DMGDH: variants seen among roughly 807,000 people sequenced by gnomAD.
DMGDH encodes dimethylglycine dehydrogenase, mitochondrial.
In DMGDH, 76 loss-of-function variants were observed where a neutral mutation model predicts 95.2. That is an observed-to-expected ratio of 0.80 (90% CI 0.66 to 0.97). The LOEUF is 0.97. Ranked by LOEUF, DMGDH falls within the 50% of genes least tolerant of loss-of-function variation. The pLI is 0.00. For missense variants in DMGDH, 987 were observed against 1,055.0 expected (o/e 0.94, Z 0.89); for synonymous variants, 345 against 377.6 (o/e 0.91, Z 1.00).
chr5:78,997,761 A>G lies in DMGDH; in HGVS notation c.*321T>C, dbSNP rs1753385415. ...GAATGCATTTGTTACTAAAATTATA[A>G]AATGTCCCTTAATTAGGTTATAGTA... is the stretch of plus-strand genomic sequence containing the variant. On this transcript the variant is annotated 3_prime_UTR_variant, in exon 16 of 16. Coordinates refer to ENST00000255189, the MANE Select transcript of DMGDH (RefSeq NM_013391.3). 3.8e-6 allele frequency: 1 copy of G among 265,162 alleles called. No homozygotes were observed. 16.4% of individuals were successfully genotyped at this position (265,162 alleles called of 1,614,324 possible).
chr5:79,024,639 CAT>C lies in DMGDH; in HGVS notation c.2191-311_2191-310del, dbSNP rs141290603. Among the ~76,000 whole-genome samples, 1,293 of 152,328 alleles carry C rather than the reference CAT, an allele frequency of 8.5e-3. 15 individuals carry two copies. Among genetic ancestry groups the C allele is most frequent in the African/African-American group, 0.029 (1,201 of 41,582 alleles). ...GTTTCTTCTAGAAACAAGATTTTCA[CAT>C]GTTTTTCTGCAATAATTTTACATAA... On this transcript the variant is annotated intron_variant, in intron 13 of 15. Coordinates refer to ENST00000255189, the MANE Select transcript of DMGDH (RefSeq NM_013391.3).
At chr5:79,055,963 T>C in intron 2 of DMGDH, 55 bp from the exon 3 acceptor site, 1 of 1,182,194 alleles carries the variant, frequency 8.5e-7, no homozygotes, top group Non-Finnish European at 1.3e-6. Context: ...TCTCAAAATG[T>C]TGACAGTTTA....
intron 7 of DMGDH, among the ~76,000 whole-genome samples, chr5:79,036,098 C>T (rs369489154): frequency 5.9e-5 from 9 of 152,360 alleles, no homozygotes; most frequent in African/African-American, 1.9e-4. Flanking sequence ...CTTCATTCTT[C>T]TCCTGTGCAC....
intron 14 of DMGDH, among the ~76,000 whole-genome samples, chr5:79,011,302 C>A (rs1271691781): frequency 6.6e-6 from 1 of 152,182 alleles, no homozygotes; most frequent in Non-Finnish European, 1.5e-5. Flanking sequence ...TAAAGCCCTA[C>A]AAAATTATGG....
chr5:79,061,220 A>AACACACAC (rs34931005), intron 2 of DMGDH, among the ~76,000 whole-genome samples: 2,209 of 141,626 alleles, frequency 0.016, 23 homozygotes, highest in African/African-American at 0.027. Context: ...CTCTGTCTCA[A>AACACACAC]ACACACACAC....
At chr5:79,066,493 T>C (rs970768599) in intron 1 of DMGDH, among the ~76,000 whole-genome samples, 4 of 150,914 alleles carry the variant, frequency 2.7e-5, no homozygotes, top group Admixed American at 6.6e-5. Flanking sequence ...ACGGGGTTTC[T>C]CCATGCTAAC....
At chr5:79,036,342 T>C (rs1385291043) in intron 7 of DMGDH, among the ~76,000 whole-genome samples, 1 of 152,246 alleles carries the variant, frequency 6.6e-6, no homozygotes, top group Non-Finnish European at 1.5e-5. Flanking sequence ...TTCTAGATTC[T>C]TCTCAATGAC....
At chr5:79,013,712 A>G (rs916337220) in intron 14 of DMGDH, among the ~76,000 whole-genome samples, 1 of 152,194 alleles carries the variant, frequency 6.6e-6, no homozygotes, top group African/African-American at 2.4e-5. Context: ...GGGAGGTCTC[A>G]GGGAACTTAC....
Position 79,033,152 on chromosome 5 carries a change from TGAATA to T in DMGDH, c.1363+82_1363+86del, listed in dbSNP as rs574767287. Reference sequence around the variant, plus strand: ...GAGTCCCTAACTACCGCCATCCCAGTGAATAGAATAAAGACCATCTAAAGTCAGAG... The same window carrying T: ...GAGTCCCTAACTACCGCCATCCCAGTGAATAAAGACCATCTAAAGTCAGAG... On this transcript the variant is annotated intron_variant, in intron 8 of 15. Coordinates refer to ENST00000255189, the MANE Select transcript of DMGDH (RefSeq NM_013391.3). The T allele has an allele frequency of 6.3e-4, 966 of 1,544,748 alleles. 1 individual carries two copies. Among genetic ancestry groups the T allele is most frequent in the Middle Eastern group, 2.6e-3 (12 of 4,582 alleles).
At chr5:79,053,999 T>TTATA (rs1754944093) in intron 4 of DMGDH, among the ~76,000 whole-genome samples, 185 bp downstream of exon 4, 1 of 152,216 alleles carries the variant, frequency 6.6e-6, no homozygotes, top group Non-Finnish European at 1.5e-5. Flanking sequence ...CATTACCTTT[T>TTATA]TATATATCAT....
In DMGDH at chr5:78,997,983, T is replaced by C; in HGVS notation, c.*99A>G. ...AATTTAGACTTTGATGATTTTGAAA[T>C]GAATTCCTGGTTTCCTCTATTCCCC... On this transcript the variant is annotated 3_prime_UTR_variant, in exon 16 of 16. Coordinates refer to ENST00000255189, the MANE Select transcript of DMGDH (RefSeq NM_013391.3). 7.8e-7 allele frequency: 1 copy of C among 1,277,664 alleles called. No homozygotes were observed. The highest frequency in any genetic ancestry group is 1.1e-6 in the Non-Finnish European group (1 of 894,352). The allele number at this position is 1,277,664 out of a possible 1,614,324, so 79.1% of individuals were successfully genotyped here.
intron 14 of DMGDH, among the ~76,000 whole-genome samples, chr5:79,008,020 A>G (rs755017407): frequency 3.3e-5 from 5 of 152,230 alleles, no homozygotes; most frequent in African/African-American, 7.2e-5. Context: ...TATTGGAAAC[A>G]TAGCAGAACA....
intron 1 of DMGDH, among the ~76,000 whole-genome samples, chr5:79,065,205 T>C (rs1755337246): frequency 6.8e-6 from 1 of 147,460 alleles, no homozygotes; most frequent in Non-Finnish European, 1.5e-5. Context: ...GTCATCTCTT[T>C]TTCTTTTCTT....
intron 8 of DMGDH, 141 bp downstream of exon 8, chr5:79,033,098 G>A (rs911560964): frequency 5.6e-6 from 6 of 1,074,152 alleles, no homozygotes; most frequent in Non-Finnish European, 6.9e-6. Context: ...TATATTCCTT[G>A]TTATGTCTCA....
At chr5:79,040,696 C>G (rs767140791) in intron 7 of DMGDH, among the ~76,000 whole-genome samples, 32 of 152,150 alleles carry the variant, frequency 2.1e-4, no homozygotes, top group Non-Finnish European at 3.5e-4. Flanking sequence ...GAGAAAAGTT[C>G]TGCAAATCAT....
rs1186174868 is a variant in DMGDH, at chr5:79,028,460, C to G, written c.2005G>C (p.Val669Leu). The G allele has an allele frequency of 3.1e-6, 5 of 1,613,874 alleles. No homozygotes were observed. Among genetic ancestry groups the G allele is most frequent in the Non-Finnish European group, 3.4e-6 (4 of 1,179,806 alleles). Reference protein sequence around the residue: ...TKSLKVSNIPVTAIRISYTGE... With the variant: ...TKSLKVSNIPLTAIRISYTGE... ...GTATAAGATATCCTAATAGCAGTGA[C>G]AGGAATGTTGGAAACCTTTAAGGAC... Residue 669 changes from valine (V) to leucine (L), a missense_variant, in exon 12 of 16, where the codon GTC (valine) becomes CTC (leucine). Physicochemically the swap from Val to Leu is conservative, Grantham distance 32. Coordinates refer to ENST00000255189, the MANE Select transcript of DMGDH (RefSeq NM_013391.3).
chr5:79,020,621 TCCAAAAGAGA>T, intron 14 of DMGDH: 1 of 947,420 alleles, frequency 1.1e-6, no homozygotes, highest in Non-Finnish European at 1.3e-6. Context: ...AAATATTTCT[TCCAAAAGAGA>T]CCCTGCATTT....
At chr5:79,000,739 T>G (rs553153933) in intron 15 of DMGDH, 1 of 623,318 alleles carries the variant, frequency 1.6e-6, no homozygotes, top group African/African-American at 1.8e-5. Context: ...TTCACCAATA[T>G]TCTGTCATTT....
At chr5:79,047,985 G>A (rs531630062) in intron 5 of DMGDH, among the ~76,000 whole-genome samples, 24 of 152,166 alleles carry the variant, frequency 1.6e-4, no homozygotes, top group African/African-American at 3.9e-4. Context: ...CAGCAGAATC[G>A]GTGCTGGATT....
Sources: allele counts gnomAD v4.1 joint callset (sites outside exome capture counted in the v4.1 genomes callset), GRCh38; gene constraint gnomAD v4.1.1; transcripts MANE v1.5; gene names NCBI Gene and HGNC (gene_info 2026-07-23, HGNC 2026-07-21).